The following STK32C variants were observed in gnomAD, a reference collection of about 807,000 sequenced individuals.
The protein encoded by STK32C is serine/threonine kinase 32C.
STK32C carries 31 observed loss-of-function variants against 56.5 expected under a neutral mutation model. That is an observed-to-expected ratio of 0.55 (90% CI 0.41 to 0.74). The LOEUF is 0.74. Ranked by LOEUF, STK32C falls within the 30% of genes least tolerant of loss-of-function variation. STK32C has a pLI of 0.00. For missense variants in STK32C, 544 were observed against 676.9 expected, an observed-to-expected ratio of 0.80 and a Z score of 2.18; for synonymous variants, 309 against 289.4, an observed-to-expected ratio of 1.07 and a Z score of -0.69.
rs1000459446 is a variant in STK32C, at chr10:132,243,469, C to T, written c.318+2431G>A. Among the ~76,000 whole-genome samples, 6 of 152,114 alleles carry T rather than the reference C, an allele frequency of 3.9e-5. 1 individual carries two copies. Among genetic ancestry groups the T allele is most frequent in the Admixed American group, 3.9e-4 (6 of 15,280 alleles). On this transcript the variant is annotated intron_variant, in intron 2 of 11. Transcript: ENST00000298630. ...GCGGAGGGCAGGCTGGACGAATGTC[C>T]ATGGCAGGGAGAAACAGATTTTCTC... is the stretch of plus-strand genomic sequence containing the variant.
At chr10:132,299,519 C>A (rs1036386060) in intron 1 of STK32C, among the ~76,000 whole-genome samples, 1 of 152,234 alleles carries the variant, frequency 6.6e-6, no homozygotes, top group Non-Finnish European at 1.5e-5. Flanking sequence ...ACTGAGACCT[C>A]AGGACAAGAC....
At chr10:132,224,948 G>C (rs560761037) in intron 7 of STK32C, among the ~76,000 whole-genome samples, 1 of 152,202 alleles carries the variant, frequency 6.6e-6, no homozygotes, top group African/African-American at 2.4e-5. Context: ...GGAAAGTTCC[G>C]AGGCAGCACC....
At chr10:132,329,034 A>C (rs566571894) in intron 1 of STK32C, among the ~76,000 whole-genome samples, 2 of 152,396 alleles carry the variant, frequency 1.3e-5, no homozygotes, top group Admixed American at 6.5e-5. Context: ...CCAAGAAGAC[A>C]GATAACAGTA....
At chr10:132,331,810 A>C (rs11146335) in exon 1 of STK32C, 1 of 1,583,112 alleles carries the variant, frequency 6.3e-7, no homozygotes, top group Non-Finnish European at 8.6e-7. Context: ...TTGCCCGTCG[A>C]CCACCACCCC....
downstream of STK32C, among the ~76,000 whole-genome samples, chr10:132,323,043 T>C (rs193189335): frequency 3.7e-3 from 564 of 152,302 alleles, no homozygotes; most frequent in Non-Finnish European, 4.3e-3. The surrounding 1 kb of genome is among the most constrained non-coding windows in gnomAD (Gnocchi z 4.8). Context: ...TTCCCTGGTC[T>C]AAGTGCTGCC....
intron 1 of STK32C, among the ~76,000 whole-genome samples, chr10:132,271,479 C>A (rs959232163): frequency 6.6e-6 from 1 of 152,194 alleles, no homozygotes; most frequent in Non-Finnish European, 1.5e-5. Context: ...TCACTGGGCA[C>A]CTGAGGCTGG....
chr10:132,264,036 G>A (rs761658713), intron 1 of STK32C, among the ~76,000 whole-genome samples: 9 of 152,184 alleles, frequency 5.9e-5, no homozygotes, highest in Admixed American at 3.3e-4. Flanking sequence ...CCAGTGCCAC[G>A]ACCCAGGGAC....
intron 1 of STK32C, among the ~76,000 whole-genome samples, chr10:132,325,610 G>A (rs533298608): frequency 1.3e-4 from 20 of 151,954 alleles, no homozygotes; most frequent in African/African-American, 4.8e-4. Flanking sequence ...ATCCGGGTAA[G>A]ACGCAACTTG....
At chr10:132,326,653 AGTCT>A (rs1404906282) in intron 1 of STK32C, among the ~76,000 whole-genome samples, 1 of 152,182 alleles carries the variant, frequency 6.6e-6, no homozygotes, top group Non-Finnish European at 1.5e-5. Context: ...AATGCTGGTG[AGTCT>A]GTCTAACCCC....
chr10:132,319,110 G>C (rs779286064), downstream of STK32C, among the ~76,000 whole-genome samples: 2 of 151,988 alleles, frequency 1.3e-5, no homozygotes, highest in South Asian at 4.2e-4. Flanking sequence ...CATCACACTC[G>C]GCTAGTTTTT....
In STK32C at chr10:132,255,441, T is replaced by A. The variant is rs2064081352; in HGVS notation, c.263-9486A>T. 6.6e-6 allele frequency among the ~76,000 whole-genome samples: 1 copy of A among 151,972 alleles called. No individual in the cohort carries two copies. Among genetic ancestry groups the A allele is most frequent in the African/African-American group, 2.4e-5 (1 of 41,352 alleles). On this transcript the variant is annotated intron_variant, in intron 1 of 11. Transcript: ENST00000298630. The surrounding 1 kb of genome is among the most constrained non-coding windows in gnomAD (Gnocchi z 4.6). ...GACCCCTCACCCTCTTGCCATGGCC[T>A]GCGGGAACAAAGACCCACCACGCTG...
chr10:132,241,643 A>AG (rs1201195666), intron 2 of STK32C, among the ~76,000 whole-genome samples: 5 of 152,222 alleles, frequency 3.3e-5, no homozygotes, highest in African/African-American at 1.2e-4. Flanking sequence ...ATAAACACGA[A>AG]GGAAGAGCCG....
chr10:132,298,614 C>T (rs1160852589), intron 1 of STK32C, among the ~76,000 whole-genome samples: 5 of 151,952 alleles, frequency 3.3e-5, no homozygotes, highest in Non-Finnish European at 7.4e-5. Flanking sequence ...GGGAGGGGAG[C>T]GCCCTGTGTG....
chr10:132,321,906 T>C (rs1224303218), downstream of STK32C, among the ~76,000 whole-genome samples: 4 of 152,152 alleles, frequency 2.6e-5, no homozygotes, highest in Admixed American at 2.6e-4. Flanking sequence ...TGTGTCCTGG[T>C]GCACGCCTCC....
chr10:132,312,094 C>T (rs1221973086), upstream of STK32C, among the ~76,000 whole-genome samples: 1 of 152,160 alleles, frequency 6.6e-6, no homozygotes, highest in Non-Finnish European at 1.5e-5. Flanking sequence ...GCAGCCTCGA[C>T]CTCCCAGGCT....
At chr10:132,278,917 C>G (rs1248006427) in intron 1 of STK32C, among the ~76,000 whole-genome samples, 26 of 152,154 alleles carry the variant, frequency 1.7e-4, no homozygotes, top group Non-Finnish European at 1.5e-5. Flanking sequence ...GAGGGCCACT[C>G]ATGGTACAAG....
chr10:132,256,971 G>C (rs528647415), intron 1 of STK32C, among the ~76,000 whole-genome samples: 1 of 152,214 alleles, frequency 6.6e-6, no homozygotes, highest in African/African-American at 2.4e-5. Flanking sequence ...CTGGATGAGG[G>C]GGAGCGAGCC....
chr10:132,294,742 C>A lies in STK32C; in HGVS notation c.262+12830G>T, dbSNP rs192596130. On this transcript the variant is annotated intron_variant, in intron 1 of 11. Transcript: ENST00000298630. ...CATGGGTCAGTGCACCAGCCCCCGACCCAGGGCCAGCACCATGGACAGCTC... is the reference window on the plus strand; with the variant it reads ...CATGGGTCAGTGCACCAGCCCCCGAACCAGGGCCAGCACCATGGACAGCTC... 3.0e-4 allele frequency among the ~76,000 whole-genome samples: 46 copies of A among 152,288 alleles called. 1 individual carries two copies. The East Asian group carries it at 7.9e-3, about 26-fold the overall frequency.
chr10:132,320,723 G>A (rs1041750941), downstream of STK32C, among the ~76,000 whole-genome samples: 3 of 152,216 alleles, frequency 2.0e-5, no homozygotes, highest in Admixed American at 1.3e-4. Context: ...GTGGAGCAGA[G>A]GGCCTGGAGG....
Sources: gnomAD v4.1 joint callset for allele counts (sites outside exome capture counted in the v4.1 genomes callset) on GRCh38, gnomAD v4.1.1 for gene constraint, Gnocchi (gnomAD v3.1) non-coding constraint, MANE v1.5 for transcripts, NCBI Gene and HGNC (gene_info 2026-07-23, HGNC 2026-07-21) for gene names.